The following IL7 variants were observed in gnomAD, a reference collection of about 807,000 sequenced individuals.
IL7 encodes the protein interleukin-7.
Under a neutral mutation model 21.6 loss-of-function variants are expected in IL7, and 3 were observed. That is an observed-to-expected ratio of 0.14 (90% CI 0.06 to 0.36). IL7 has a LOEUF of 0.36. Ranked by LOEUF, IL7 falls within the 10% of genes least tolerant of loss-of-function variation. The pLI is 1.00. For missense variants in IL7, 175 were observed against 200.2 expected (o/e 0.87, Z 0.76); for synonymous variants, 62 against 68.1 (o/e 0.91, Z 0.44).
intron 3 of IL7, among the ~76,000 whole-genome samples, chr8:78,704,466 G>A (rs936967854): frequency 8.6e-5 from 13 of 151,382 alleles, no homozygotes; most frequent in Admixed American, 7.9e-4. Context: ...TGAGAGGTCT[G>A]CTGTTAGTCT....
At chr8:78,683,442 G>A (rs908103248) in intron 4 of IL7, among the ~76,000 whole-genome samples, 1 of 152,220 alleles carries the variant, frequency 6.6e-6, no homozygotes, top group African/African-American at 2.4e-5. Context: ...CCAAGGCTTT[G>A]GGCTTGCACC....
chr8:78,785,901 G>A (rs905421775), intron 2 of IL7, among the ~76,000 whole-genome samples: 7 of 152,190 alleles, frequency 4.6e-5, no homozygotes, highest in Admixed American at 3.9e-4. Context: ...ACAGCTATAT[G>A]CGAAGGGGTA....
intron 4 of IL7, among the ~76,000 whole-genome samples, chr8:78,684,773 A>G (rs1425648308): frequency 1.3e-5 from 2 of 152,202 alleles, no homozygotes; most frequent in Admixed American, 1.3e-4. Context: ...AACACAAAGT[A>G]TGAAATATTT....
At chr8:78,752,325 T>G (rs1486300278) in intron 2 of IL7, among the ~76,000 whole-genome samples, 3 of 152,238 alleles carry the variant, frequency 2.0e-5, no homozygotes, top group Admixed American at 1.3e-4. Context: ...GCTAGTTCCA[T>G]TTTTAATTTT....
rs114277219 is a variant in IL7 at position 78,747,650 on chromosome 8, T to C, written c.148-7568A>G. Among the ~76,000 whole-genome samples the C allele has an allele frequency of 6.0e-3, 920 of 152,332 alleles. 8 individuals carry two copies. The highest frequency in any genetic ancestry group is 0.021 in the African/African-American group (871 of 41,572). ...CTTAGCAGATTATAGTATGACTTAT[T>C]AGTTAATTCTTAGTTTAAATTAAAG... On this transcript the variant is annotated intron_variant, in intron 2 of 5. Transcript: ENST00000263851.
At chr8:78,734,850 A>G (rs1433635222) in intron 5 of IL7, among the ~76,000 whole-genome samples, 1 of 152,182 alleles carries the variant, frequency 6.6e-6, no homozygotes, top group African/African-American at 2.4e-5. Flanking sequence ...AGATGAAGAA[A>G]CTGATCCGCA....
At chr8:78,791,041 G>A (rs1813677183) in intron 2 of IL7, among the ~76,000 whole-genome samples, 1 of 152,126 alleles carries the variant, frequency 6.6e-6, no homozygotes, top group Non-Finnish European at 1.5e-5. Flanking sequence ...AATGGAATTG[G>A]AGAGTCCAGA....
intron 1 of IL7, among the ~76,000 whole-genome samples, chr8:78,799,281 G>A (rs964393390): frequency 6.6e-6 from 1 of 152,128 alleles, no homozygotes; most frequent in Non-Finnish European, 1.5e-5. Flanking sequence ...ACAGCCTGAA[G>A]ACTGTTAGGG....
chr8:78,734,454 T>C (rs1448337395), intron 5 of IL7, among the ~76,000 whole-genome samples: 1 of 152,222 alleles, frequency 6.6e-6, no homozygotes, highest in Non-Finnish European at 1.5e-5. Flanking sequence ...CTCTGAGTCC[T>C]CTGACCTGTG....
At chr8:78,761,321 G>A (rs1812548286) in intron 2 of IL7, 3 of 1,611,652 alleles carry the variant, frequency 1.9e-6, no homozygotes, top group East Asian at 4.5e-5. Context: ...TACTGATTTT[G>A]CCAACCACAT....
At chr8:78,766,852 G>A (rs974432664) in intron 2 of IL7, among the ~76,000 whole-genome samples, 1 of 152,090 alleles carries the variant, frequency 6.6e-6, no homozygotes, top group South Asian at 2.1e-4. Flanking sequence ...GAGATTTGCT[G>A]AATAAAATGG....
In IL7 at chr8:78,712,803, A is replaced by C. The variant is rs189774486; in HGVS notation, n.214+8545T>G. On this transcript the variant is annotated intron_variant and non_coding_transcript_variant, in intron 3 of 4. Coordinates refer to the IL7 transcript ENST00000523959. ...TTTAAATATGAAATTAGGGCCTAAAAATTAATATACCTATTAATGGTGGAA... is the reference window on the plus strand; with the variant it reads ...TTTAAATATGAAATTAGGGCCTAAACATTAATATACCTATTAATGGTGGAA... Among the ~76,000 whole-genome samples the C allele has an allele frequency of 2.8e-3, 429 of 152,288 alleles. 2 individuals carry two copies. The highest frequency in any genetic ancestry group is 2.6e-3 in the Non-Finnish European group (178 of 68,014).
chr8:78,788,187 A>G (rs1813572772), intron 2 of IL7, among the ~76,000 whole-genome samples: 1 of 151,886 alleles, frequency 6.6e-6, no homozygotes, highest in Non-Finnish European at 1.5e-5. Flanking sequence ...AATTTTATTG[A>G]TCTTTTCAAA....
intron 1 of IL7, among the ~76,000 whole-genome samples, chr8:78,802,054 T>C (rs1429686373): frequency 6.6e-6 from 1 of 152,206 alleles, no homozygotes; most frequent in Non-Finnish European, 1.5e-5. Flanking sequence ...GGGATTGCCC[T>C]TACTTCCCCT....
intron 2 of IL7, among the ~76,000 whole-genome samples, chr8:78,776,693 C>A (rs761962770): frequency 2.3e-4 from 35 of 152,028 alleles, no homozygotes; most frequent in Non-Finnish European, 4.6e-4. Flanking sequence ...AAGTTCCAGG[C>A]ACTGTTCCAT....
chr8:78,771,906 C>T (rs993888126), intron 2 of IL7, among the ~76,000 whole-genome samples: 2 of 152,096 alleles, frequency 1.3e-5, no homozygotes, highest in Non-Finnish European at 2.9e-5. Context: ...ATTGGAACAG[C>T]TTTAGTCCTC....
At chr8:78,777,096 C>T (rs1339183764) in intron 2 of IL7, among the ~76,000 whole-genome samples, 5 of 151,996 alleles carry the variant, frequency 3.3e-5, no homozygotes, top group Non-Finnish European at 7.4e-5. Flanking sequence ...ATTATGTGAT[C>T]GACAATGTCT....
intron 4 of IL7, among the ~76,000 whole-genome samples, chr8:78,680,684 G>T (rs1229877730): frequency 6.6e-6 from 1 of 152,112 alleles, no homozygotes; most frequent in Non-Finnish European, 1.5e-5. Context: ...TGTAAGGATT[G>T]CCCCAAAGCA....
At chr8:78,788,209 G>T (rs1040870798) in intron 2 of IL7, among the ~76,000 whole-genome samples, 2 of 151,602 alleles carry the variant, frequency 1.3e-5, no homozygotes, top group African/African-American at 4.8e-5. Context: ...AACCAGTTTT[G>T]GTTTCATTGA....
Sources: allele counts gnomAD v4.1 joint callset (sites outside exome capture counted in the v4.1 genomes callset), GRCh38; gene constraint gnomAD v4.1.1; transcripts MANE v1.5; gene names NCBI Gene and HGNC (gene_info 2026-07-23, HGNC 2026-07-21).